Variants in SKP2 observed in about 807,000 individuals in gnomAD.
SKP2 encodes the protein S-phase kinase associated protein 2, also known as S-phase kinase-associated protein 2.
SKP2 carries 16 observed loss-of-function variants against 51.8 expected under a neutral mutation model. The ratio of observed to expected loss-of-function variants is 0.31; its 90% confidence interval spans 0.21 to 0.47. The LOEUF is 0.47. Ranked by LOEUF, SKP2 falls within the 20% of genes least tolerant of loss-of-function variation. SKP2 has a pLI of 1.00. For missense variants in SKP2, 377 were observed against 505.3 expected, an observed-to-expected ratio of 0.75 and a Z score of 2.43; for synonymous variants, 176 against 198.6, an observed-to-expected ratio of 0.89 and a Z score of 0.96.
At chr5:36,153,801 G>A (rs999135400) in intron 2 of SKP2, among the ~76,000 whole-genome samples, 2 of 152,104 alleles carry the variant, frequency 1.3e-5, no homozygotes, top group Non-Finnish European at 2.9e-5. Flanking sequence ...CTCCTTAATA[G>A]CTCCCCATCC....
chr5:36,185,141 TG>T (rs1745934906), downstream of SKP2, among the ~76,000 whole-genome samples: 2 of 152,226 alleles, frequency 1.3e-5, no homozygotes, highest in Non-Finnish European at 2.9e-5. Context: ...TTGAGTTCTT[TG>T]TAGATTCTGG....
Position 36,183,987 on chromosome 5 carries a change from T to C in SKP2, c.*1956T>C. ...GTATTTTTGTATGTGATTTCTACTT[T>C]TATAGACTTGTTTTAAAACAATAAA... On this transcript the variant is annotated 3_prime_UTR_variant, in exon 10 of 10. Coordinates refer to ENST00000274255, the MANE Select transcript of SKP2 (RefSeq NM_005983.4). The C allele has an allele frequency of 3.1e-6, 5 of 1,592,824 alleles. No individual in the cohort carries two copies. The highest frequency in any genetic ancestry group is 4.3e-6 in the Non-Finnish European group (5 of 1,165,140).
downstream of SKP2, among the ~76,000 whole-genome samples, chr5:36,186,869 G>A (rs973960885): frequency 1.3e-5 from 2 of 152,118 alleles, no homozygotes; most frequent in Admixed American, 1.3e-4. Flanking sequence ...AATCTATCTG[G>A]TCCTCGACTT....
chr5:36,190,787 C>T (rs191111297), intron 6 of SKP2, among the ~76,000 whole-genome samples: 265 of 151,568 alleles, frequency 1.7e-3, no homozygotes, highest in African/African-American at 6.3e-3. Context: ...CTCAACCATT[C>T]CCCTCCAATA....
Position 36,168,433 on chromosome 5 carries a change from G to C in SKP2, c.657G>C (p.Ser219=). The C allele has an allele frequency of 6.2e-7, 1 of 1,614,172 alleles. No individual in the cohort carries two copies. Among genetic ancestry groups the C allele is most frequent in the South Asian group, 1.1e-5 (1 of 91,084 alleles). Residue 219 remains serine (S), a synonymous_variant, in exon 5 of 10, where the codon TCG becomes TCC. Coordinates refer to ENST00000274255, the MANE Select transcript of SKP2 (RefSeq NM_005983.4). ...QNLSLEGLRL[S]DPIVNTLAKN... The stretch of plus-strand genomic sequence containing the variant: ...TAAGCCTGGAAGGCCTGCGGCTTTC[G>C]GATCCCATTGTCAAGTGAGTGGCAG...
At chr5:36,172,306 CT>C (rs1306701447) in intron 7 of SKP2, among the ~76,000 whole-genome samples, 8 of 152,220 alleles carry the variant, frequency 5.3e-5, no homozygotes, top group East Asian at 3.9e-4. Context: ...ATGACTTTTA[CT>C]TTTTATTCAG....
rs1561534185 is a variant in SKP2 at position 36,163,756 on chromosome 5, CGTAA to C, written c.392+4_392+7del. 6.3e-7 allele frequency: 1 copy of C among 1,595,654 alleles called. No homozygotes were observed. The highest frequency in any genetic ancestry group is 1.7e-5 in the Admixed American group (1 of 59,976). On this transcript the variant is annotated splice_donor_variant and splice_donor_region_variant and intron_variant, in intron 3 of 9. Coordinates refer to ENST00000274255, the MANE Select transcript of SKP2 (RefSeq NM_005983.4). LOFTEE classifies it high-confidence loss of function. ...GTTTGTAAGAGGTGGTATCGCCTAG[CGTAA>C]GTATTTTTCACCCCTTTGGCAAACG...
At chr5:36,185,824 A>C (rs1242335435), downstream of SKP2, among the ~76,000 whole-genome samples, 1 of 152,186 alleles carries the variant, frequency 6.6e-6, no homozygotes, top group East Asian at 1.9e-4. Flanking sequence ...ATGGCATTAA[A>C]TCTATAAATT....
At chr5:36,162,789 A>G (rs1266975667) in intron 2 of SKP2, among the ~76,000 whole-genome samples, 1 of 149,228 alleles carries the variant, frequency 6.7e-6, no homozygotes, top group East Asian at 1.9e-4. Context: ...AGACTGGGTA[A>G]TTCATAAAGG....
Position 36,184,031 on chromosome 5 carries a change from G to T in SKP2, c.*2000G>T. On this transcript the variant is annotated 3_prime_UTR_variant, in exon 10 of 10. Transcript: ENST00000274255. ...CAATAAAACACATTTTTATAAAAAT[G>T]AGTGCTTAAACTAAGTTGTATTCCT... The T allele has an allele frequency of 1.8e-6, 2 of 1,119,864 alleles. No homozygotes were observed. Among genetic ancestry groups the T allele is most frequent in the South Asian group, 2.8e-5 (2 of 70,600 alleles). 69.4% of individuals were successfully genotyped at this position (1,119,864 alleles called of 1,614,324 possible). A position where few individuals can be genotyped will look rare whatever the true frequency, so the allele number is the denominator to read the frequency against.
At chr5:36,187,117 G>C (rs1345701441), downstream of SKP2, among the ~76,000 whole-genome samples, 1 of 151,354 alleles carries the variant, frequency 6.6e-6, no homozygotes, top group Non-Finnish European at 1.5e-5. Flanking sequence ...TATTGCGTTT[G>C]ATTCTTCTCT....
intron 6 of SKP2, among the ~76,000 whole-genome samples, chr5:36,191,877 G>A (rs1367197031): frequency 6.9e-6 from 1 of 145,300 alleles, no homozygotes; most frequent in East Asian, 2.0e-4. Context: ...CAAGATACAA[G>A]TCAAAGCCCT....
At chr5:36,156,307 A>G (rs1369237464) in intron 2 of SKP2, among the ~76,000 whole-genome samples, 2 of 152,156 alleles carry the variant, frequency 1.3e-5, no homozygotes, top group Non-Finnish European at 2.9e-5. Context: ...TTTTGTCTGC[A>G]GTTGTCAGGA....
downstream of SKP2, among the ~76,000 whole-genome samples, chr5:36,188,869 A>G (rs942985131): frequency 2.8e-4 from 43 of 152,130 alleles, no homozygotes; most frequent in Non-Finnish European, 7.4e-5. Flanking sequence ...AGGTACCCCA[A>G]TCATACATAG....
intron 2 of SKP2, 131 bp downstream of exon 2, chr5:36,153,173 C>A: frequency 1.4e-6 from 1 of 720,606 alleles, no homozygotes. Context: ...TATTTTTCAA[C>A]AAAATAGGGC....
At position 36,182,798 on chromosome 5, in the gene SKP2, T is replaced by C. The variant is rs1745852351; in HGVS notation, c.*767T>C. The C allele has an allele frequency of 1.0e-6, 1 of 979,734 alleles. No individual in the cohort carries two copies. The highest frequency in any genetic ancestry group is 1.7e-5 in the African/African-American group (1 of 57,220). The allele number at this position is 979,734 out of a possible 1,614,324, so 60.7% of individuals were successfully genotyped here. On this transcript the variant is annotated 3_prime_UTR_variant, in exon 10 of 10. Transcript: ENST00000274255. The stretch of plus-strand genomic sequence containing the variant: ...AGAAATATAATTGTGGTTTTCTAAC[T>C]TGATAATCAAATTATGTTAACATGG...
chr5:36,166,765 G>C, intron 4 of SKP2, 103 bp downstream of exon 4: 5 of 1,029,086 alleles, frequency 4.9e-6, no homozygotes, highest in Non-Finnish European at 7.1e-6. Context: ...AAAGCCTATG[G>C]TAGGTTATCT....
chr5:36,187,984 A>G (rs1745972197), downstream of SKP2, among the ~76,000 whole-genome samples: 1 of 152,190 alleles, frequency 6.6e-6, no homozygotes, highest in East Asian at 1.9e-4. Context: ...CTTTACCATT[A>G]TGTAATGGCC....
chr5:36,180,395 A>G (rs2112011082), intron 9 of SKP2: 1 of 483,638 alleles, frequency 2.1e-6, no homozygotes, highest in African/African-American at 2.0e-5. Flanking sequence ...GTTCTTTCTG[A>G]TTTTCTTTGG....
Sources: gnomAD v4.1 joint callset for allele counts (sites outside exome capture counted in the v4.1 genomes callset) on GRCh38, gnomAD v4.1.1 for gene constraint, MANE v1.5 for transcripts, NCBI Gene and HGNC (gene_info 2026-07-23, HGNC 2026-07-21) for gene names.